NFIX: variants seen among roughly 807,000 people sequenced by gnomAD.
The protein encoded by NFIX is nuclear factor I X, also known as nuclear factor 1 X-type.
Under a neutral mutation model 53.3 loss-of-function variants are expected in NFIX, and 2 were observed. The observed-to-expected ratio is 0.04, with a 90% CI of 0.02 to 0.12. The LOEUF is 0.12. NFIX is among the 10% of genes least tolerant of loss of function. The probability of loss-of-function intolerance (pLI) is 1.00; values close to 1 mark genes in which losing one functional copy is unlikely to be tolerated. For synonymous variants in NFIX, 244 were observed against 289.0 expected (o/e 0.84, Z 1.58); for missense variants, 310 against 674.5 (o/e 0.46, Z 5.99).
intron 8 of NFIX, chr19:13,082,266 T>G (rs149664905): frequency 1.1e-5 from 2 of 188,942 alleles, no homozygotes; most frequent in East Asian, 2.7e-4. Flanking sequence ...ACTGTTGACA[T>G]TTGGGGCTGT....
In NFIX at chr19:13,068,278, AG is replaced by A. The variant is rs974066946; in HGVS notation, c.560-4763del. 2.6e-5 allele frequency among the ~76,000 whole-genome samples: 4 copies of A among 151,820 alleles called. No homozygotes were observed. The highest frequency in any genetic ancestry group is 2.1e-4 in the South Asian group (1 of 4,820). Reference sequence around the variant, plus strand: ...CGTGCCTGCAAACAGCAGAAGGAAGAGGGGGGTGCTGAAGAGGTGAGGGGGA... The same window carrying A: ...CGTGCCTGCAAACAGCAGAAGGAAGAGGGGGTGCTGAAGAGGTGAGGGGGA... On this transcript the variant is annotated intron_variant, in intron 2 of 10. Coordinates refer to ENST00000592199, the MANE Select transcript of NFIX (RefSeq NM_001365902.3). This position sits in a 1 kb window ranked among gnomAD's most constrained non-coding sequence, Gnocchi z 4.2.
intron 2 of NFIX, among the ~76,000 whole-genome samples, chr19:13,061,411 G>A (rs1486681118): frequency 1.3e-5 from 2 of 152,248 alleles, no homozygotes; most frequent in African/African-American, 2.4e-5. Flanking sequence ...GCCTGGGCCT[G>A]AGTGGGTTCT....
chr19:13,087,963 C>G (rs1412842090), intron 8 of NFIX, 26 bp from the exon 9 acceptor site: 1 of 1,535,824 alleles, frequency 6.5e-7, no homozygotes, highest in Admixed American at 2.0e-5. Flanking sequence ...TGCCTTCATG[C>G]GTCACTCTAT....
chr19:13,076,982 C>A (rs556855895), intron 6 of NFIX, among the ~76,000 whole-genome samples: 3 of 152,124 alleles, frequency 2.0e-5, no homozygotes, highest in African/African-American at 7.2e-5. Context: ...TCGTGGCAGG[C>A]AGGGACTTGG....
At chr19:13,016,968 C>T (rs1028189904) in intron 1 of NFIX, among the ~76,000 whole-genome samples, 3 of 152,074 alleles carry the variant, frequency 2.0e-5, no homozygotes, top group African/African-American at 7.2e-5. Flanking sequence ...CCTCCACCCA[C>T]AGCAAACTGA....
chr19:13,084,480 T>C (rs1046358853), intron 8 of NFIX, among the ~76,000 whole-genome samples: 2 of 152,046 alleles, frequency 1.3e-5, no homozygotes, highest in Non-Finnish European at 2.9e-5. Flanking sequence ...CCCAGAATTT[T>C]ATAGACAATT....
intron 6 of NFIX, among the ~76,000 whole-genome samples, chr19:13,076,213 T>C (rs949122655): frequency 4.1e-4 from 62 of 152,278 alleles, no homozygotes; most frequent in African/African-American, 1.4e-3. Flanking sequence ...TGAGAACCAC[T>C]GGTCTCAAGG....
At chr19:13,007,541 C>T (rs1310669328) in intron 1 of NFIX, among the ~76,000 whole-genome samples, 1 of 152,212 alleles carries the variant, frequency 6.6e-6, no homozygotes, top group African/African-American at 2.4e-5. Context: ...GGCAAGGCTT[C>T]ATCTGTGGTG....
At position 13,095,401 on chromosome 19, in the gene NFIX, C is replaced by G. The variant is rs80090842; in HGVS notation, c.*752C>G. On this transcript the variant is annotated 3_prime_UTR_variant, in exon 11 of 11. Transcript: ENST00000592199. Reference sequence around the variant, plus strand: ...GAGCCGCAAGAGCAGTCCTGGGGCCCTGGACCCCTCTGTACAGTCCGTAGG... The same window carrying G: ...GAGCCGCAAGAGCAGTCCTGGGGCCGTGGACCCCTCTGTACAGTCCGTAGG... The G allele has an allele frequency of 1.3e-5, 2 of 152,400 alleles. No individual in the cohort carries two copies. The highest frequency in any genetic ancestry group is 4.8e-5 in the African/African-American group (2 of 41,462). The allele number at this position is 152,400 out of a possible 1,614,324, so 9.4% of individuals were successfully genotyped here. A position where few individuals can be genotyped will look rare whatever the true frequency, so the allele number is the denominator to read the frequency against.
At position 13,094,915 on chromosome 19, in the gene NFIX, G is replaced by C; in HGVS notation, c.*266G>C. ...CAAGCAGAAAGAAACACGCGACATG[G>C]ACTCTGTCAAGTAGAGGACAGAAAG... On this transcript the variant is annotated 3_prime_UTR_variant, in exon 11 of 11. Transcript: ENST00000592199. The surrounding 1 kb of genome is among the most constrained non-coding windows in gnomAD (Gnocchi z 4.3). 3 of 511,582 alleles carry C rather than the reference G, an allele frequency of 5.9e-6. No individual in the cohort carries two copies. In the Middle Eastern group the frequency reaches 1.6e-3, roughly 272 times the overall value. The allele number at this position is 511,582 out of a possible 1,614,324, so 31.7% of individuals were successfully genotyped here.
At chr19:13,057,453 C>T (rs1177293354) in intron 2 of NFIX, among the ~76,000 whole-genome samples, 1 of 152,160 alleles carries the variant, frequency 6.6e-6, no homozygotes, top group African/African-American at 2.4e-5. Flanking sequence ...TAGCTGTGTG[C>T]GAGGAGCCCT....
rs2018326273 is a variant in NFIX, at chr19:13,094,541, G to A, written c.1495-94G>A. The A allele has an allele frequency of 3.7e-6, 5 of 1,348,208 alleles. No individual in the cohort carries two copies. The highest frequency in any genetic ancestry group is 5.1e-6 in the Non-Finnish European group (5 of 983,506). The allele number at this position is 1,348,208 out of a possible 1,614,324, so 83.5% of individuals were successfully genotyped here. On this transcript the variant is annotated intron_variant, in intron 10 of 10. Transcript: ENST00000592199. The surrounding 1 kb of genome is among the most constrained non-coding windows in gnomAD (Gnocchi z 4.3). ...CGGCACCCTGGCTCTTTGGGAGCTG[G>A]ACCCTTGAGGGGCCAGGTCACTGGG...
chr19:13,018,776 C>A (rs1342962903), intron 1 of NFIX, among the ~76,000 whole-genome samples: 3 of 152,358 alleles, frequency 2.0e-5, no homozygotes, highest in East Asian at 3.9e-4. Context: ...CTTCTTGTGG[C>A]CTTCCACGAA....
rs2015302484 is a variant in NFIX, at chr19:13,051,099, G to C, written c.560-21948G>C. Among the ~76,000 whole-genome samples the C allele has an allele frequency of 6.6e-6, 1 of 152,220 alleles. No individual in the cohort carries two copies. Among genetic ancestry groups the C allele is most frequent in the African/African-American group, 2.4e-5 (1 of 41,458 alleles). On this transcript the variant is annotated intron_variant, in intron 2 of 10. Transcript: ENST00000592199. This position sits in a 1 kb window ranked among gnomAD's most constrained non-coding sequence, Gnocchi z 5.1. ...GCATACCTCCAGGAGGATAGTAGCA[G>C]GGGAGCCACGGAGTAGCTGCCCCAT...
In NFIX at chr19:13,005,854, G is replaced by A. The variant is rs1323355862; in HGVS notation, c.27+9990G>A. Among the ~76,000 whole-genome samples the A allele has an allele frequency of 1.3e-5, 2 of 152,166 alleles. No individual in the cohort carries two copies. Among genetic ancestry groups the A allele is most frequent in the Admixed American group, 1.3e-4 (2 of 15,272 alleles). On this transcript the variant is annotated intron_variant, in intron 1 of 10. Coordinates refer to ENST00000592199, the MANE Select transcript of NFIX (RefSeq NM_001365902.3). This position sits in a 1 kb window ranked among gnomAD's most constrained non-coding sequence, Gnocchi z 4.7. ...AGGCTCAGAATAAAGGTGGATGGTGGTCTCACCCCCTCTGCACCCCTGCTG... is the reference window on the plus strand; with the variant it reads ...AGGCTCAGAATAAAGGTGGATGGTGATCTCACCCCCTCTGCACCCCTGCTG...
intron 2 of NFIX, among the ~76,000 whole-genome samples, chr19:13,050,482 G>A (rs2015260172): frequency 6.6e-6 from 1 of 152,232 alleles, no homozygotes; most frequent in Non-Finnish European, 1.5e-5. Flanking sequence ...GCAGGGGGGT[G>A]TTACCCAGGC....
At chr19:13,018,671 G>A (rs2012802288) in intron 1 of NFIX, among the ~76,000 whole-genome samples, 1 of 152,336 alleles carries the variant, frequency 6.6e-6, no homozygotes, top group South Asian at 2.1e-4. Context: ...CCTCCTCTAG[G>A]ATAAGCAGCA....
At chr19:13,083,956 C>A (rs369496487) in intron 8 of NFIX, among the ~76,000 whole-genome samples, 1 of 152,348 alleles carries the variant, frequency 6.6e-6, no homozygotes, top group East Asian at 1.9e-4. Context: ...ACTTGGCATG[C>A]GCGAGAGTCA....
At chr19:13,026,035 G>A (rs575599468) in intron 2 of NFIX, among the ~76,000 whole-genome samples, 1 of 152,316 alleles carries the variant, frequency 6.6e-6, no homozygotes, top group South Asian at 2.1e-4. Flanking sequence ...CAGGAGTCCG[G>A]TGGAGAGAAG....
Sources: allele counts gnomAD v4.1 joint callset (sites outside exome capture counted in the v4.1 genomes callset), GRCh38; gene constraint gnomAD v4.1.1; non-coding constraint Gnocchi (gnomAD v3.1); transcripts MANE v1.5; gene names NCBI Gene and HGNC (gene_info 2026-07-23, HGNC 2026-07-21).